CA10: variants seen among roughly 807,000 people sequenced by gnomAD.
The protein encoded by CA10 is carbonic anhydrase-related protein 10.
CA10 carries 14 observed loss-of-function variants against 44.2 expected under a neutral mutation model. That is an observed-to-expected ratio of 0.32 (90% confidence interval 0.21 to 0.50). The LOEUF (loss-of-function observed/expected upper bound fraction) is 0.50. Ranked by LOEUF, CA10 falls within the 20% of genes least tolerant of loss-of-function variation. The pLI is 0.99. For synonymous variants in CA10, 159 were observed against 141.6 expected (o/e 1.12, Z -0.87); for missense variants, 350 against 409.7 (o/e 0.85, Z 1.26).
At chr17:51,679,350 C>T (rs1287153458) in intron 4 of CA10, among the ~76,000 whole-genome samples, 1 of 151,500 alleles carries the variant, frequency 6.6e-6, no homozygotes, top group African/African-American at 2.4e-5. Flanking sequence ...AGCTCCGCCT[C>T]CCGGGTTCAC....
chr17:52,157,539 G>T (rs2938135), intron 1 of CA10, among the ~76,000 whole-genome samples, 187 bp downstream of exon 1: 4 of 126,556 alleles, frequency 3.2e-5, no homozygotes, highest in Admixed American at 2.5e-4. Context: ...ACCCCCCCCC[G>T]CAAAACACAC....
chr17:51,844,754 G>A (rs1023110374), intron 3 of CA10, among the ~76,000 whole-genome samples: 1 of 152,156 alleles, frequency 6.6e-6, no homozygotes, highest in Non-Finnish European at 1.5e-5. Flanking sequence ...CTTCTTGAGT[G>A]TGGCCTGGAC....
chr17:51,917,183 C>T (rs1982035298), intron 3 of CA10, among the ~76,000 whole-genome samples: 1 of 152,200 alleles, frequency 6.6e-6, no homozygotes, highest in South Asian at 2.1e-4. Flanking sequence ...GTTAACACCC[C>T]TACCATGGTG....
At chr17:51,732,043 ATTC>A (rs1403639322) in intron 4 of CA10, among the ~76,000 whole-genome samples, 1 of 152,134 alleles carries the variant, frequency 6.6e-6, no homozygotes, top group Non-Finnish European at 1.5e-5. Flanking sequence ...TATTATTACC[ATTC>A]TTCTCACTCA....
At chr17:52,084,980 A>G (rs1988080750) in intron 1 of CA10, among the ~76,000 whole-genome samples, 1 of 152,242 alleles carries the variant, frequency 6.6e-6, no homozygotes, top group Non-Finnish European at 1.5e-5. Flanking sequence ...TAGACTTCAA[A>G]TAGCCATCCT....
chr17:51,762,191 T>C (rs1905233983), intron 3 of CA10: 1 of 152,168 alleles, frequency 6.6e-6, no homozygotes. Flanking sequence ...TCTGTAAGTG[T>C]AATAGATAAT....
chr17:52,143,602 A>G (rs1221222703), intron 1 of CA10, among the ~76,000 whole-genome samples: 1 of 152,244 alleles, frequency 6.6e-6, no homozygotes, highest in South Asian at 2.1e-4. Flanking sequence ...ATGATGTTCC[A>G]TGAAGGTTCC....
At chr17:51,665,030 G>T (rs1258812696) in intron 4 of CA10, among the ~76,000 whole-genome samples, 1 of 152,132 alleles carries the variant, frequency 6.6e-6, no homozygotes, top group Non-Finnish European at 1.5e-5. Flanking sequence ...TTCACTCAGG[G>T]TTAATTCAGA....
chr17:51,646,489 G>T (rs778597540), intron 6 of CA10, among the ~76,000 whole-genome samples: 1 of 152,152 alleles, frequency 6.6e-6, no homozygotes, highest in African/African-American at 2.4e-5. Flanking sequence ...TGGTAGAAAT[G>T]GTGGGGTGGG....
chr17:51,721,444 C>T (rs535047292), intron 4 of CA10, among the ~76,000 whole-genome samples: 1 of 152,064 alleles, frequency 6.6e-6, no homozygotes, highest in South Asian at 2.1e-4. Flanking sequence ...AGGTGATTCT[C>T]CTGCCTCAAC....
At chr17:51,950,974 C>A (rs1349418307) in intron 2 of CA10, among the ~76,000 whole-genome samples, 1 of 152,246 alleles carries the variant, frequency 6.6e-6, no homozygotes, top group African/African-American at 2.4e-5. Flanking sequence ...TAATATTTTC[C>A]TCCTAGGTCC....
At chr17:51,734,007 AG>A (rs1165233798) in intron 4 of CA10, among the ~76,000 whole-genome samples, 2 of 149,264 alleles carry the variant, frequency 1.3e-5, no homozygotes, top group South Asian at 2.2e-4. Flanking sequence ...GAAAGCTACT[AG>A]TATGGTAGTG....
chr17:52,087,699 TTTAA>T (rs1428439332), intron 1 of CA10, among the ~76,000 whole-genome samples: 2 of 152,206 alleles, frequency 1.3e-5, no homozygotes, highest in African/African-American at 4.8e-5. Flanking sequence ...ACAGAAATTA[TTTAA>T]TTACATTTAA....
At chr17:51,821,481 G>A (rs892184626) in intron 3 of CA10, among the ~76,000 whole-genome samples, 20 of 151,834 alleles carry the variant, frequency 1.3e-4, no homozygotes, top group Non-Finnish European at 2.4e-4. Flanking sequence ...TCGTCTCCCC[G>A]CAGCTGCTCC....
intron 2 of CA10, among the ~76,000 whole-genome samples, chr17:52,036,890 G>A (rs563298362): frequency 1.3e-5 from 2 of 152,268 alleles, no homozygotes; most frequent in East Asian, 3.9e-4. Flanking sequence ...AGTCATTAAT[G>A]AACTAAAGTA....
chr17:52,005,202 C>A (rs937022004), intron 2 of CA10, among the ~76,000 whole-genome samples: 9 of 151,838 alleles, frequency 5.9e-5, no homozygotes, highest in African/African-American at 2.2e-4. Context: ...CTTAATGATT[C>A]TACAAATACA....
At chr17:51,678,766 T>C (rs1914717625) in intron 4 of CA10, among the ~76,000 whole-genome samples, 1 of 152,204 alleles carries the variant, frequency 6.6e-6, no homozygotes, top group Admixed American at 6.5e-5. Flanking sequence ...TCCAGGAGCA[T>C]AAAATTGGCA....
intron 5 of CA10, among the ~76,000 whole-genome samples, chr17:51,649,899 G>A (rs928215241): frequency 2.1e-5 from 3 of 141,216 alleles, no homozygotes; most frequent in Non-Finnish European, 3.1e-5. Context: ...AAACTGAAAA[G>A]TATCACTGCT....
intron 1 of CA10, among the ~76,000 whole-genome samples, chr17:52,089,993 G>A (rs1265655731): frequency 3.9e-5 from 6 of 152,068 alleles, no homozygotes; most frequent in African/African-American, 7.2e-5. Flanking sequence ...AGTATTTCAC[G>A]TATTCTCAGT....
Sources: allele counts gnomAD v4.1 joint callset (sites outside exome capture counted in the v4.1 genomes callset), GRCh38; gene constraint gnomAD v4.1.1; transcripts MANE v1.5; gene names NCBI Gene and HGNC (gene_info 2026-07-23, HGNC 2026-07-21).